Variants in CSMD2 observed in about 807,000 individuals in gnomAD.
The protein encoded by CSMD2 is CUB and Sushi multiple domains 2.
CSMD2 carries 130 observed loss-of-function variants against 398.5 expected under a neutral mutation model. The ratio of observed to expected loss-of-function variants is 0.33; its 90% CI spans 0.28 to 0.38. The LOEUF is 0.38. Among genes scored for constraint, CSMD2 ranks in the 10% least tolerant of loss-of-function variants. CSMD2 has a pLI of 1.00. For synonymous variants in CSMD2, 1,828 were observed against 1,908.5 expected, an observed-to-expected ratio of 0.96 and a Z score of 1.10; for missense variants, 3,829 against 4,764.9, an observed-to-expected ratio of 0.80 and a Z score of 5.78.
chr1:33,951,242 G>A (rs912141542), intron 3 of CSMD2, among the ~76,000 whole-genome samples: 3 of 152,172 alleles, frequency 2.0e-5, no homozygotes, highest in Admixed American at 1.3e-4. Context: ...TAAATGTTAG[G>A]GACATTGCAC....
intron 22 of CSMD2, among the ~76,000 whole-genome samples, chr1:33,701,267 T>C (rs1347604604): frequency 6.6e-6 from 1 of 152,174 alleles, no homozygotes; most frequent in African/African-American, 2.4e-5. Flanking sequence ...CCTCCTAAAA[T>C]GAGGGCTCCA....
chr1:33,710,426 A>G (rs1028943899), intron 21 of CSMD2, among the ~76,000 whole-genome samples: 2 of 151,820 alleles, frequency 1.3e-5, no homozygotes, highest in Admixed American at 6.6e-5. Flanking sequence ...TGAATGAATG[A>G]ATGGATATGG....
intron 1 of CSMD2, among the ~76,000 whole-genome samples, chr1:34,104,669 G>A (rs1660348376): frequency 6.6e-6 from 1 of 152,184 alleles, no homozygotes; most frequent in South Asian, 2.1e-4. Context: ...CCTGCCACAC[G>A]GAGCACCAGC....
intron 3 of CSMD2, among the ~76,000 whole-genome samples, chr1:33,987,163 G>A (rs1269890645): frequency 6.6e-6 from 1 of 152,112 alleles, no homozygotes; most frequent in Non-Finnish European, 1.5e-5. Flanking sequence ...ACACAGGCCT[G>A]CATTCAAGTC....
At chr1:33,986,933 CGTGT>C (rs1212950096) in intron 3 of CSMD2, among the ~76,000 whole-genome samples, 1 of 152,064 alleles carries the variant, frequency 6.6e-6, no homozygotes, top group Non-Finnish European at 1.5e-5. Flanking sequence ...GCATCCTTCT[CGTGT>C]GTGTGTGTAA....
rs780343963 is a variant in CSMD2, at chr1:33,583,769, G to T, written c.7113C>A (p.Tyr2371Ter). 6.2e-7 allele frequency: 1 copy of T among 1,614,222 alleles called. No individual in the cohort carries two copies. The highest frequency in any genetic ancestry group is 1.7e-5 in the Admixed American group (1 of 60,028). Residue 2371 changes from tyrosine to a stop codon, truncating the protein, a stop_gained, in exon 47 of 71, where the codon TAC becomes TAA. Transcript: ENST00000373381. LOFTEE classifies it high-confidence loss of function. ...DSTGVILSQS[Y>*]PGSYPQFQTC... The stretch of plus-strand genomic sequence containing the variant: ...TCTGGAACTGGGGATAGCTTCCAGG[G>T]TAGCTCTGGCTCAGGATCACGCCTG...
chr1:33,690,623 T>G (rs376885730), intron 25 of CSMD2, among the ~76,000 whole-genome samples: 1 of 152,208 alleles, frequency 6.6e-6, no homozygotes. Context: ...AACCTCTTGA[T>G]TTGCACATGT....
At chr1:33,626,227 G>A (rs992943792) in intron 33 of CSMD2, among the ~76,000 whole-genome samples, 1 of 152,194 alleles carries the variant, frequency 6.6e-6, no homozygotes, top group Non-Finnish European at 1.5e-5. Flanking sequence ...TGGGTGGAGT[G>A]GGGAAGGGGA....
chr1:34,034,402 C>T (rs1281778420), intron 2 of CSMD2, among the ~76,000 whole-genome samples: 2 of 152,138 alleles, frequency 1.3e-5, no homozygotes, highest in African/African-American at 2.4e-5. Flanking sequence ...ATATAATATA[C>T]AGACTCTGAA....
At chr1:33,527,365 T>C in intron 64 of CSMD2, 107 bp from the exon 65 acceptor site, 1 of 828,612 alleles carries the variant, frequency 1.2e-6, no homozygotes. Flanking sequence ...TTCTTTGAGA[T>C]CTTGCTTTCC....
chr1:33,915,666 G>A (rs1029726521), intron 5 of CSMD2, among the ~76,000 whole-genome samples: 3 of 152,180 alleles, frequency 2.0e-5, no homozygotes, highest in Non-Finnish European at 2.9e-5. Flanking sequence ...CAAGTGAGTC[G>A]AAAAGGCCTT....
chr1:33,546,669 T>G (rs1373506303), intron 56 of CSMD2, among the ~76,000 whole-genome samples: 1 of 151,682 alleles, frequency 6.6e-6, no homozygotes, highest in African/African-American at 2.4e-5. Flanking sequence ...CCTTGTAAAC[T>G]CTCCCTCTAA....
At chr1:34,060,688 T>A (rs941868668) in intron 2 of CSMD2, among the ~76,000 whole-genome samples, 43 of 152,280 alleles carry the variant, frequency 2.8e-4, no homozygotes, top group East Asian at 9.6e-4. Flanking sequence ...ACTTTGTATT[T>A]TGTAAGAATC....
intron 11 of CSMD2, among the ~76,000 whole-genome samples, chr1:33,791,487 C>CT (rs1221701930): frequency 4.6e-5 from 7 of 151,434 alleles, no homozygotes; most frequent in East Asian, 1.9e-4. Context: ...CATTTCCTGA[C>CT]TTTTTTTTTC....
intron 3 of CSMD2, among the ~76,000 whole-genome samples, chr1:34,016,163 G>A (rs1648084105): frequency 6.6e-6 from 1 of 152,036 alleles, no homozygotes; most frequent in Non-Finnish European, 1.5e-5. Context: ...TTTACTTTAA[G>A]TTCTGGGATA....
At chr1:34,062,246 G>A (rs1425811854) in intron 2 of CSMD2, among the ~76,000 whole-genome samples, 1 of 152,222 alleles carries the variant, frequency 6.6e-6, no homozygotes, top group Non-Finnish European at 1.5e-5. Context: ...CAGGCCCTCT[G>A]AGACTCTGCA....
intron 5 of CSMD2, among the ~76,000 whole-genome samples, chr1:33,847,829 G>A (rs1638385407): frequency 6.6e-6 from 1 of 152,088 alleles, no homozygotes; most frequent in South Asian, 2.1e-4. Context: ...GGATCATGAT[G>A]ACCCCTCCCT....
chr1:33,596,035 C>A (rs1639813986), intron 44 of CSMD2, among the ~76,000 whole-genome samples: 1 of 152,188 alleles, frequency 6.6e-6, no homozygotes, highest in Non-Finnish European at 1.5e-5. Context: ...AAATTTAACA[C>A]CATTGGGTAT....
rs1644713228 is a variant in CSMD2, at chr1:33,676,418, C to T, written c.4053-13326G>A. ...AACTTACAAGGGATGTGAAGGACCT[C>T]TTCAAGGAGAACTACAAACCACTGC... On this transcript the variant is annotated intron_variant, in intron 25 of 70. Transcript: ENST00000373381. Among the ~76,000 whole-genome samples the T allele has an allele frequency of 2.6e-5, 4 of 152,162 alleles. No homozygotes were observed. In the South Asian group the frequency reaches 8.3e-4, roughly 32 times the overall value.
Sources: allele counts gnomAD v4.1 joint callset (sites outside exome capture counted in the v4.1 genomes callset), GRCh38; gene constraint gnomAD v4.1.1; transcripts MANE v1.5; gene names NCBI Gene and HGNC (gene_info 2026-07-23, HGNC 2026-07-21).